Variants in DHRS4 observed in about 807,000 individuals in gnomAD.
DHRS4 encodes dehydrogenase/reductase SDR family member 4.
A neutral mutation model predicts 28.4 loss-of-function variants in DHRS4; 20 were observed. That is an observed-to-expected ratio of 0.71 (90% CI 0.50 to 1.02). The LOEUF (loss-of-function observed/expected upper bound fraction) is 1.02, where lower values mean the gene tolerates loss of function less well. DHRS4 is among the 50% of genes least tolerant of loss of function. The probability of loss-of-function intolerance (pLI) is 0.00; values close to 1 mark genes in which losing one functional copy is unlikely to be tolerated. For synonymous variants in DHRS4, 144 were observed against 146.4 expected, an observed-to-expected ratio of 0.98 and a Z score of 0.12; for missense variants, 378 against 367.2, an observed-to-expected ratio of 1.03 and a Z score of -0.24.
At chr14:23,958,751 T>C (rs1031038891) in intron 2 of DHRS4, among the ~76,000 whole-genome samples, 14 of 152,186 alleles carry the variant, frequency 9.2e-5, no homozygotes, top group African/African-American at 2.9e-4. Flanking sequence ...AGGGCTCTTA[T>C]GAATTAGCTC....
intron 3 of DHRS4, among the ~76,000 whole-genome samples, chr14:23,961,355 AAACAACAAC>A (rs1180407234): frequency 8.5e-6 from 1 of 117,720 alleles, no homozygotes; most frequent in Non-Finnish European, 1.7e-5. Flanking sequence ...TCTATATTAA[AAACAACAAC>A]AACAACAATG....
intron 2 of DHRS4, among the ~76,000 whole-genome samples, 162 bp from the exon 3 acceptor site, chr14:23,959,740 A>G (rs2033330280): frequency 6.6e-6 from 1 of 151,798 alleles, no homozygotes; most frequent in Admixed American, 6.6e-5. Context: ...GCTTCTCTCA[A>G]ACTCCTCAGC....
At chr14:23,968,406 A>G (rs919179709) in intron 7 of DHRS4, among the ~76,000 whole-genome samples, 2 of 150,706 alleles carry the variant, frequency 1.3e-5, no homozygotes, top group African/African-American at 5.0e-5. Context: ...AGACTCCCTG[A>G]TACTTTAGTG....
chr14:23,959,465 A>G (rs563559215), intron 2 of DHRS4, among the ~76,000 whole-genome samples: 4 of 152,240 alleles, frequency 2.6e-5, no homozygotes, highest in South Asian at 2.1e-4. Context: ...GGCTGAGCCA[A>G]GAGGATGGCT....
chr14:23,958,261 C>A (rs1005840124), intron 2 of DHRS4, among the ~76,000 whole-genome samples: 4 of 152,146 alleles, frequency 2.6e-5, no homozygotes, highest in African/African-American at 9.6e-5. Flanking sequence ...CTGAGCTTAG[C>A]ACCTAGTTAA....
intron 3 of DHRS4, 80 bp downstream of exon 3, chr14:23,960,083 G>A: frequency 7.2e-7 from 1 of 1,393,312 alleles, no homozygotes; most frequent in Non-Finnish European, 1.0e-6. Context: ...CTTTTAGAAT[G>A]CATTTCTCAA....
chr14:23,961,532 T>C (rs1328027847), intron 3 of DHRS4, among the ~76,000 whole-genome samples: 3 of 125,886 alleles, frequency 2.4e-5, no homozygotes, highest in Admixed American at 1.5e-4. Context: ...TTTTTTCCTT[T>C]TTTTTTTTTT....
At position 23,953,863 on chromosome 14, in the gene DHRS4, C is replaced by T. The variant is rs767902335; in HGVS notation, c.75C>T (p.Thr25=). The T allele has an allele frequency of 6.2e-6, 10 of 1,612,548 alleles. No individual in the cohort carries two copies. In the South Asian group the frequency reaches 8.8e-5, roughly 14 times the overall value. Residue 25 remains threonine (T), a synonymous_variant, in exon 1 of 8, where the codon ACC becomes ACT. Transcript: ENST00000313250. The stretch of plus-strand genomic sequence containing the variant: ...TGCGGATGGCCAGCTCCGGGATGAC[C>T]CGCCGGGACCCGCTCGCAAATAAGG... ...NSVRMASSGM[T]RRDPLANKVA... is the part of the protein sequence containing the mutation.
In DHRS4 at chr14:23,954,317, C is replaced by T. The variant is rs541184935; in HGVS notation, c.128+401C>T. ...AAATGTACCAGACATTCTATTTGGG[C>T]ACCGGAAAGTCCCCCGGAACCCCTC... On this transcript the variant is annotated intron_variant, in intron 1 of 7. Transcript: ENST00000313250. 336 of 177,394 alleles carry T rather than the reference C, an allele frequency of 1.9e-3. 2 individuals carry two copies. The highest frequency in any genetic ancestry group is 3.6e-3 in the Non-Finnish European group (297 of 82,862). The allele number at this position is 177,394 out of a possible 1,614,324, so 11.0% of individuals were successfully genotyped here.
chr14:23,961,051 G>A (rs2033396726), intron 3 of DHRS4, among the ~76,000 whole-genome samples: 2 of 151,858 alleles, frequency 1.3e-5, no homozygotes, highest in South Asian at 4.2e-4. Context: ...AGGGCACCAA[G>A]CCATTCATAA....
chr14:23,956,692 C>T (rs2033181725), intron 2 of DHRS4, among the ~76,000 whole-genome samples: 1 of 151,450 alleles, frequency 6.6e-6, no homozygotes, highest in African/African-American at 2.4e-5. Context: ...GCAACCTCCG[C>T]CTCCAGGTTC....
chr14:23,959,419 G>T (rs1319612500), intron 2 of DHRS4, among the ~76,000 whole-genome samples: 1 of 152,146 alleles, frequency 6.6e-6, no homozygotes, highest in Non-Finnish European at 1.5e-5. Context: ...TTGCCCGGGT[G>T]TGGTGGCACG....
At chr14:23,965,515 G>A (rs1280231395) in intron 3 of DHRS4, among the ~76,000 whole-genome samples, 1 of 144,192 alleles carries the variant, frequency 6.9e-6, no homozygotes, top group African/African-American at 2.7e-5. Flanking sequence ...GGCTGATTAT[G>A]AAACAAGATG....
At chr14:23,963,011 A>G (rs2033480272) in intron 3 of DHRS4, among the ~76,000 whole-genome samples, 1 of 128,082 alleles carries the variant, frequency 7.8e-6, no homozygotes. Context: ...TAACAGTTTG[A>G]AAGGAATCTT....
At chr14:23,954,216 TC>T in intron 1 of DHRS4, 1 of 315,944 alleles carries the variant, frequency 3.2e-6, no homozygotes, top group South Asian at 7.0e-5. Context: ...CCACCTAGCG[TC>T]TGGGAAGACC....
chr14:23,967,827 G>T, intron 7 of DHRS4: 2 of 135,840 alleles, frequency 1.5e-5, no homozygotes, highest in South Asian at 4.8e-5. Context: ...GCCTAACTCT[G>T]TACTCGTCCA....
intron 7 of DHRS4, 100 bp from the exon 8 acceptor site, chr14:23,968,657 T>G: frequency 6.5e-7 from 1 of 1,546,484 alleles, no homozygotes; most frequent in Non-Finnish European, 8.7e-7. Context: ...AAAAGCCATC[T>G]GATAATTCTT....
chr14:23,964,300 T>C (rs2033538546), intron 3 of DHRS4, among the ~76,000 whole-genome samples: 1 of 148,984 alleles, frequency 6.7e-6, no homozygotes, highest in Non-Finnish European at 1.5e-5. Flanking sequence ...ATAACTTTTC[T>C]TTTAATTTGT....
chr14:23,966,353 C>A lies in DHRS4; in HGVS notation c.602C>A (p.Ala201Asp), dbSNP rs749992765. ...ACCAAGACCCTGGCCATAGAGCTGG[C>A]CCCAAGGAACATTAGGGTGAACTGC... Reference protein sequence around the residue: ...GLTKTLAIELAPRNIRVNCLA... With the variant: ...GLTKTLAIELDPRNIRVNCLA... Residue 201 changes from alanine (A) to aspartate (D), a missense_variant, in exon 6 of 8, where the codon GCC (alanine) becomes GAC (aspartate). Ala to Asp is a moderately radical substitution (Grantham distance 126). Transcript: ENST00000313250. The A allele has an allele frequency of 3.7e-6, 6 of 1,614,038 alleles. No homozygotes were observed. In the South Asian group the frequency reaches 5.5e-5, roughly 15 times the overall value.
Sources: gnomAD v4.1 joint callset for allele counts (sites outside exome capture counted in the v4.1 genomes callset) on GRCh38, gnomAD v4.1.1 for gene constraint, MANE v1.5 for transcripts, NCBI Gene and HGNC (gene_info 2026-07-23, HGNC 2026-07-21) for gene names.